The following MGME1 variants were observed in gnomAD, a reference collection of about 807,000 sequenced individuals.
MGME1 encodes chromosome 20 open reading frame 72.
Under a neutral mutation model 33.0 loss-of-function variants are expected in MGME1, and 22 were observed. That is an observed-to-expected ratio of 0.67 (90% CI 0.48 to 0.95). MGME1 has a LOEUF of 0.95. Ranked by LOEUF, MGME1 falls within the 40% of genes least tolerant of loss-of-function variation. MGME1 has a pLI of 0.00. For missense variants in MGME1, 383 were observed against 397.8 expected (o/e 0.96, Z 0.32); for synonymous variants, 133 against 144.0 (o/e 0.92, Z 0.55).
At chr20:17,984,155 G>T (rs1282927213) in intron 3 of MGME1, among the ~76,000 whole-genome samples, 1 of 152,076 alleles carries the variant, frequency 6.6e-6, no homozygotes, top group African/African-American at 2.4e-5. Flanking sequence ...TAACACAATT[G>T]ACAAAACATT....
intron 3 of MGME1, among the ~76,000 whole-genome samples, chr20:17,979,549 A>C (rs1196947996): frequency 6.7e-6 from 1 of 149,990 alleles, no homozygotes; most frequent in Non-Finnish European, 1.5e-5. Context: ...AGCTGGGACT[A>C]CAGGCGCATG....
At chr20:17,971,307 T>TA (rs2035723422) in intron 2 of MGME1, among the ~76,000 whole-genome samples, 1 of 152,228 alleles carries the variant, frequency 6.6e-6, no homozygotes, top group Non-Finnish European at 1.5e-5. Flanking sequence ...CTTTGCTCCT[T>TA]ATAATATTCC....
intron 3 of MGME1, 74 bp from the exon 4 acceptor site, chr20:17,988,092 A>C: frequency 2.1e-6 from 3 of 1,414,234 alleles, no homozygotes; most frequent in Non-Finnish European, 2.9e-6. Context: ...ACTATACATA[A>C]GAGAACTGTT....
chr20:17,972,647 T>C, intron 2 of MGME1: 1 of 983,098 alleles, frequency 1.0e-6, no homozygotes, highest in Non-Finnish European at 1.2e-6. Context: ...TTTTTATTTT[T>C]ATAAATTGAA....
chr20:17,989,695 C>T lies in MGME1; in HGVS notation c.865-244C>T, dbSNP rs574385020. Among the ~76,000 whole-genome samples the T allele has an allele frequency of 3.5e-5, 5 of 143,460 alleles. No homozygotes were observed. In the East Asian group the frequency reaches 1.1e-3, roughly 31 times the overall value. 94.1% of individuals were successfully genotyped at this position (143,460 alleles called of 152,430 possible). A position where few individuals can be genotyped will look rare whatever the true frequency, so the allele number is the denominator to read the frequency against. On this transcript the variant is annotated intron_variant, in intron 4 of 4. Transcript: ENST00000377710. ...GAAAAAAAAAGCACTTTTCCACCCTCTTCTTGGGCCTTTTTTTTTTTTCAA... is the reference window on the plus strand; with the variant it reads ...GAAAAAAAAAGCACTTTTCCACCCTTTTCTTGGGCCTTTTTTTTTTTTCAA...
chr20:17,968,983 C>A (rs1406198396), upstream of MGME1: 1 of 154,078 alleles, frequency 6.5e-6, no homozygotes, highest in African/African-American at 2.4e-5. Flanking sequence ...CGGAGGCCGA[C>A]GAAAGCCTCG....
rs769300551 is a variant in MGME1, at chr20:17,988,121, A to G, written c.732-45A>G. ...AACTGTTAACCTAGTAGAGATTTTCATTGTGATCTATTACCTACAAAGTCT... is the reference window on the plus strand; with the variant it reads ...AACTGTTAACCTAGTAGAGATTTTCGTTGTGATCTATTACCTACAAAGTCT... On this transcript the variant is annotated intron_variant, in intron 3 of 4. Transcript: ENST00000377710. 2.6e-6 allele frequency: 4 copies of G among 1,567,214 alleles called. No homozygotes were observed. In the East Asian group the frequency reaches 6.8e-5, roughly 27 times the overall value.
At position 17,970,260 on chromosome 20, in the gene MGME1, C is replaced by T. The variant is rs2035689396; in HGVS notation, c.401C>T (p.Thr134Ile). ...PLQRNVIPSV[T>I]RVLQQTMTKQ... ...CAAAGGAATGTGATACCAAGTGTGA[C>T]CCGAGTCCTTCAGCAGACCATGACA... Residue 134 changes from threonine (T) to isoleucine (I), a missense_variant, in exon 2 of 5, where the codon ACC (threonine) becomes ATC (isoleucine). By Grantham distance (89) the Thr-to-Ile change is moderately conservative. Coordinates refer to ENST00000377710, the MANE Select transcript of MGME1 (RefSeq NM_052865.4). The T allele has an allele frequency of 1.9e-6, 3 of 1,614,230 alleles. No individual in the cohort carries two copies. The highest frequency in any genetic ancestry group is 2.5e-6 in the Non-Finnish European group (3 of 1,180,032).
chr20:17,969,283 C>CA (rs1194868997), intron 1 of MGME1, 142 bp downstream of exon 1: 2 of 152,550 alleles, frequency 1.3e-5, no homozygotes, highest in African/African-American at 2.4e-5. Flanking sequence ...TTTGCGGTCA[C>CA]AGTAATGGGA....
chr20:17,975,924 G>C (rs759701762), intron 3 of MGME1, 21 bp downstream of exon 3: 13 of 1,571,652 alleles, frequency 8.3e-6, no homozygotes, highest in Admixed American at 1.7e-5. Flanking sequence ...GATTGGAGGT[G>C]AATTAATACA....
chr20:17,988,229 A>C lies in MGME1; in HGVS notation c.795A>C (p.Thr265=). 6.2e-7 allele frequency: 1 copy of C among 1,614,120 alleles called. No homozygotes were observed. Among genetic ancestry groups the C allele is most frequent in the South Asian group, 1.1e-5 (1 of 91,066 alleles). The change falls in exon 4 of 5, where the codon ACA becomes ACC. Residue 265 remains threonine, a synonymous_variant. Transcript: ENST00000377710. ...AACCAAAGCCTTTTATTCAAAGTAC[A>C]TTTGACAACCCACTGCAAGTTGTGG... ...SEKPKPFIQS[T]FDNPLQVVAY...
At chr20:17,975,974 G>A (rs2035857054) in intron 3 of MGME1, 71 bp downstream of exon 3, 7 of 1,223,734 alleles carry the variant, frequency 5.7e-6, no homozygotes, top group Non-Finnish European at 8.4e-6. Flanking sequence ...GTGCCTGTAG[G>A]TACTGTAGCC....
intron 3 of MGME1, 85 bp downstream of exon 3, chr20:17,975,988 G>A (rs111450251): frequency 9.9e-6 from 11 of 1,113,786 alleles, no homozygotes; most frequent in African/African-American, 4.6e-5. Context: ...TGTAGCCTCT[G>A]TCTGTTTAAT....
rs1555792152 is a variant in MGME1 at position 17,990,410 on chromosome 20, T to TGGCG, written c.*303_*304insCGGG. 2 of 44,516 alleles carry TGGCG rather than the reference T, an allele frequency of 4.5e-5. No individual in the cohort carries two copies. The highest frequency in any genetic ancestry group is 2.3e-4 in the Admixed American group (1 of 4,270). The allele number at this position is 44,516 out of a possible 1,614,324, so 2.8% of individuals were successfully genotyped here. On this transcript the variant is annotated 3_prime_UTR_variant, in exon 5 of 5. Coordinates refer to ENST00000377710, the MANE Select transcript of MGME1 (RefSeq NM_052865.4). ...ACTCTTGTACTCCCTTGAGGGACAT[T>TGGCG]GGGGGGGGGGGGGCGTGGTCCCAGG...
chr20:17,986,541 A>G (rs1290473991), intron 3 of MGME1, among the ~76,000 whole-genome samples: 5 of 142,808 alleles, frequency 3.5e-5, no homozygotes, highest in African/African-American at 7.9e-5. Flanking sequence ...GGTATTTTTT[A>G]TAGAGACAGG....
intron 3 of MGME1, among the ~76,000 whole-genome samples, chr20:17,981,923 G>T (rs1224340592): frequency 1.3e-5 from 2 of 152,070 alleles, no homozygotes; most frequent in East Asian, 3.9e-4. Flanking sequence ...AAAGTGCTGG[G>T]ATTACAGACT....
intron 2 of MGME1, among the ~76,000 whole-genome samples, chr20:17,970,599 A>G (rs2035702380): frequency 6.6e-6 from 1 of 152,266 alleles, no homozygotes; most frequent in Non-Finnish European, 1.5e-5. Context: ...TGAAACTAAA[A>G]TAGATCAAAT....
intron 3 of MGME1, among the ~76,000 whole-genome samples, chr20:17,977,236 C>T (rs1388782302): frequency 6.6e-6 from 1 of 151,776 alleles, no homozygotes. Flanking sequence ...ATTAGCCAGG[C>T]GCAGTGGTGT....
intron 2 of MGME1, among the ~76,000 whole-genome samples, chr20:17,974,860 C>G (rs997435679): frequency 6.6e-6 from 1 of 151,946 alleles, no homozygotes; most frequent in African/African-American, 2.4e-5. Context: ...TCCATAATAT[C>G]AAATTCATAA....
Sources: gnomAD v4.1 joint callset for allele counts (sites outside exome capture counted in the v4.1 genomes callset) on GRCh38, gnomAD v4.1.1 for gene constraint, MANE v1.5 for transcripts, NCBI Gene and HGNC (gene_info 2026-07-23, HGNC 2026-07-21) for gene names.